The following TENM2 variants were observed in gnomAD, a reference collection of about 807,000 sequenced individuals.
TENM2 encodes teneurin-2.
A neutral mutation model predicts 245.2 loss-of-function variants in TENM2; 52 were observed. The ratio of observed to expected loss-of-function variants is 0.21; its 90% CI spans 0.17 to 0.27. TENM2 has a LOEUF of 0.27. TENM2 is among the 10% of genes least tolerant of loss of function. TENM2 has a pLI of 1.00. For missense variants in TENM2, 3,046 were observed against 3,666.8 expected, an observed-to-expected ratio of 0.83 and a Z score of 4.37; for synonymous variants, 1,363 against 1,438.9, an observed-to-expected ratio of 0.95 and a Z score of 1.19.
intron 2 of TENM2, among the ~76,000 whole-genome samples, chr5:167,777,464 C>A (rs2911502): frequency 0.99 from 150,174 of 152,364 alleles, 74,037 homozygotes; most frequent in Middle Eastern, 1. Flanking sequence ...GCTATTTGAT[C>A]CAATCAGTGT....
chr5:168,057,598 G>C (rs1355704260), intron 6 of TENM2, among the ~76,000 whole-genome samples: 1 of 152,066 alleles, frequency 6.6e-6, no homozygotes, highest in Non-Finnish European at 1.5e-5. Context: ...GTCATGACTA[G>C]GACTCTTGAC....
rs749929057 is a variant in TENM2 at position 168,198,866 on chromosome 5, G to A, written c.2914G>A (p.Ala972Thr). Residue 972 changes from alanine to threonine, a missense_variant, in exon 16 of 29, where the codon GCA (alanine) becomes ACA (threonine). Coordinates refer to ENST00000518659, the Ensembl canonical transcript of TENM2. ...CTCCCTCTCCAGGTTCGACCTGATC[G>A]CAAATGGAGGTGCTTCCTTGACTCT... The A allele has an allele frequency of 1.0e-4, 168 of 1,613,592 alleles. No homozygotes were observed. The highest frequency in any genetic ancestry group is 1.3e-4 in the Non-Finnish European group (153 of 1,179,662).
chr5:167,114,304 C>T, the TENM2 span, among the ~76,000 whole-genome samples: 1 of 152,122 alleles, frequency 6.6e-6, no homozygotes, highest in Non-Finnish European at 1.5e-5. Context: ...AAAAACATGG[C>T]TTTAAATTAT....
chr5:167,889,906 A>C (rs1402761836), intron 3 of TENM2, among the ~76,000 whole-genome samples: 1 of 152,194 alleles, frequency 6.6e-6, no homozygotes. Context: ...GGAAAAAGTC[A>C]TATTACACTA....
the TENM2 span, among the ~76,000 whole-genome samples, chr5:167,217,351 G>A: frequency 7.9e-5 from 12 of 152,030 alleles, no homozygotes; most frequent in Non-Finnish European, 1.8e-4. Context: ...AAGAATTGAG[G>A]TTTCTCAGTA....
At chr5:167,479,639 T>C (rs1272117541) in intron 2 of TENM2, among the ~76,000 whole-genome samples, 2 of 152,150 alleles carry the variant, frequency 1.3e-5, no homozygotes, top group Non-Finnish European at 2.9e-5. Context: ...TACTTGAACA[T>C]AAAGTTTTCA....
At chr5:168,002,712 G>A (rs562367817) in intron 5 of TENM2, among the ~76,000 whole-genome samples, 30 of 152,220 alleles carry the variant, frequency 2.0e-4, no homozygotes, top group Non-Finnish European at 2.8e-4. Context: ...TCTTTTTCCC[G>A]TGAAGAAAAT....
At chr5:167,105,711 AC>A in the TENM2 span, among the ~76,000 whole-genome samples, 1 of 149,702 alleles carries the variant, frequency 6.7e-6, no homozygotes, top group Non-Finnish European at 1.5e-5. Flanking sequence ...AAACGGTGAA[AC>A]CCCGTCTCTA....
At chr5:167,947,474 G>C (rs1208734019) in intron 3 of TENM2, among the ~76,000 whole-genome samples, 1 of 152,106 alleles carries the variant, frequency 6.6e-6, no homozygotes, top group African/African-American at 2.4e-5. Context: ...CTGGTCAGTG[G>C]CCAAGCAGGG....
At chr5:167,737,164 A>G (rs1760857950) in intron 2 of TENM2, among the ~76,000 whole-genome samples, 1 of 152,174 alleles carries the variant, frequency 6.6e-6, no homozygotes, top group Non-Finnish European at 1.5e-5. Context: ...TCCAAGAGCC[A>G]GTACGTCAAA....
At chr5:167,988,890 G>A (rs754564982) in intron 4 of TENM2, among the ~76,000 whole-genome samples, 24 of 152,176 alleles carry the variant, frequency 1.6e-4, no homozygotes, top group Non-Finnish European at 2.6e-4. Flanking sequence ...ATTTCACGAA[G>A]CAGTGCCATA....
intron 2 of TENM2, among the ~76,000 whole-genome samples, chr5:167,562,066 G>T (rs569767018): frequency 3.1e-4 from 47 of 152,218 alleles, no homozygotes; most frequent in Non-Finnish European, 2.9e-5. Flanking sequence ...TGGAAGGGAT[G>T]GCTGTGCCAG....
intron 23 of TENM2, among the ~76,000 whole-genome samples, chr5:168,225,481 G>A (rs1764080063): frequency 6.6e-6 from 1 of 152,162 alleles, no homozygotes; most frequent in South Asian, 2.1e-4. Context: ...ACAAGAGAGG[G>A]CCAAGTGCGT....
chr5:167,850,032 C>T (rs745494541), intron 2 of TENM2, among the ~76,000 whole-genome samples: 11 of 152,166 alleles, frequency 7.2e-5, no homozygotes, highest in Non-Finnish European at 1.6e-4. Flanking sequence ...CCTCTCTCCT[C>T]GCTGGAGGAT....
the TENM2 span, among the ~76,000 whole-genome samples, chr5:167,118,041 T>G: frequency 6.6e-6 from 1 of 152,174 alleles, no homozygotes; most frequent in African/African-American, 2.4e-5. Context: ...CAATATTACT[T>G]CTCTGATTTT....
rs145754927 is a variant in TENM2 at position 167,794,388 on chromosome 5, G to A, written c.503-81598G>A. ...GCTTAGGCAGAAAGGTGATAACAGG[G>A]TCACGTCATCAGTAGCAATTCCTCT... is the stretch of plus-strand genomic sequence containing the variant. On this transcript the variant is annotated intron_variant, in intron 2 of 28. Coordinates refer to ENST00000518659, the Ensembl canonical transcript of TENM2. Among the ~76,000 whole-genome samples, 459 of 152,328 alleles carry A rather than the reference G, an allele frequency of 3.0e-3. 2 individuals are homozygous for A. Among genetic ancestry groups the A allele is most frequent in the African/African-American group, 0.011 (440 of 41,568 alleles).
chr5:167,336,636 AG>A (rs1349432658), intron 1 of TENM2, among the ~76,000 whole-genome samples: 2 of 152,106 alleles, frequency 1.3e-5, no homozygotes, highest in Non-Finnish European at 2.9e-5. Flanking sequence ...CTTAAATGCC[AG>A]CATATCAAAA....
chr5:167,448,216 C>T (rs751721514), intron 2 of TENM2, among the ~76,000 whole-genome samples: 1 of 151,968 alleles, frequency 6.6e-6, no homozygotes, highest in Non-Finnish European at 1.5e-5. Flanking sequence ...CATTACTGTA[C>T]CAGTGCGACC....
intron 2 of TENM2, among the ~76,000 whole-genome samples, chr5:167,801,230 A>G (rs1765746424): frequency 6.7e-6 from 1 of 148,870 alleles, no homozygotes; most frequent in Admixed American, 6.8e-5. Context: ...ATTAGTAAAC[A>G]AATGTTTCTG....
Sources: allele counts gnomAD v4.1 joint callset (sites outside exome capture counted in the v4.1 genomes callset), GRCh38; gene constraint gnomAD v4.1.1; transcripts MANE v1.5; gene names NCBI Gene and HGNC (gene_info 2026-07-23, HGNC 2026-07-21).